ZNF845: variants seen among roughly 807,000 people sequenced by gnomAD.
The protein encoded by ZNF845 is zinc finger protein 845.
ZNF845 carries 59 observed loss-of-function variants against 76.1 expected under a neutral mutation model. The ratio of observed to expected loss-of-function variants is 0.78; its 90% CI spans 0.63 to 0.96. The LOEUF (loss-of-function observed/expected upper bound fraction) is 0.96, where lower values mean the gene tolerates loss of function less well. ZNF845 is among the 40% of genes least tolerant of loss of function. The pLI, the probability that ZNF845 is intolerant of heterozygous loss-of-function variation, is 0.00. For synonymous variants in ZNF845, 361 were observed against 386.9 expected, an observed-to-expected ratio of 0.93 and a Z score of 0.78; for missense variants, 1,045 against 1,172.8, an observed-to-expected ratio of 0.89 and a Z score of 1.59.
At chr19:53,342,131 A>G (rs376085756) in intron 2 of ZNF845, among the ~76,000 whole-genome samples, 2 of 151,010 alleles carry the variant, frequency 1.3e-5, no homozygotes, top group East Asian at 3.9e-4. Context: ...TTATATTTTA[A>G]ATATACAAAG....
chr19:53,335,864 A>G (rs2085209857), intron 1 of ZNF845, among the ~76,000 whole-genome samples: 1 of 151,700 alleles, frequency 6.6e-6, no homozygotes, highest in African/African-American at 2.4e-5. Flanking sequence ...GGCCCCCCAA[A>G]TGCTGGGATT....
chr19:53,345,753 T>G, intron 3 of ZNF845, 121 bp downstream of exon 3: 1 of 1,528,480 alleles, frequency 6.5e-7, no homozygotes, highest in South Asian at 1.3e-5. Flanking sequence ...TGTGATCATG[T>G]CTTACTGCAA....
At chr19:53,343,951 C>T (rs1287044413) in intron 2 of ZNF845, among the ~76,000 whole-genome samples, 2 of 151,870 alleles carry the variant, frequency 1.3e-5, no homozygotes, top group African/African-American at 4.8e-5. Context: ...TCCCAAGTAG[C>T]TGGAACCACA....
intron 1 of ZNF845, among the ~76,000 whole-genome samples, chr19:53,336,755 T>C (rs17239371): frequency 0.15 from 22,599 of 151,804 alleles, 1,615 homozygotes; most frequent in East Asian, 0.18. Context: ...CAGCTCACAT[T>C]GTTCAGTTAT....
intron 1 of ZNF845, among the ~76,000 whole-genome samples, chr19:53,339,231 G>A (rs1001271420): frequency 6.6e-6 from 1 of 152,172 alleles, no homozygotes; most frequent in Non-Finnish European, 1.5e-5. Context: ...CTTAGGAACT[G>A]GAGGAAGGAA....
intron 1 of ZNF845, among the ~76,000 whole-genome samples, chr19:53,339,540 T>C (rs2085241570): frequency 6.6e-6 from 1 of 152,192 alleles, no homozygotes; most frequent in South Asian, 2.1e-4. Flanking sequence ...GTTTGCACCA[T>C]CCCAAGACCC....
chr19:53,350,543 C>T (rs549622056), intron 3 of ZNF845, among the ~76,000 whole-genome samples: 4 of 152,272 alleles, frequency 2.6e-5, no homozygotes, highest in African/African-American at 9.6e-5. Context: ...TTTAGGGTCA[C>T]AGTGGAAAAA....
Position 53,351,263 on chromosome 19 carries a change from C to T in ZNF845, c.588C>T (p.Phe196=). ...THISKNYGNN[F]LNSSLLTQKQ... ...TTTCTAAGAACTATGGGAATAATTTCCTGAATTCTTCATTACTCACACAAA... is the reference window on the plus strand; with the variant it reads ...TTTCTAAGAACTATGGGAATAATTTTCTGAATTCTTCATTACTCACACAAA... The change falls in exon 4 of 4, where the codon TTC becomes TTT. Residue 196 remains phenylalanine (F), a synonymous_variant. Coordinates refer to ENST00000458035, the MANE Select transcript of ZNF845 (RefSeq NM_138374.3). The T allele has an allele frequency of 6.2e-7, 1 of 1,614,188 alleles. No individual in the cohort carries two copies. The highest frequency in any genetic ancestry group is 1.1e-5 in the South Asian group (1 of 91,086).
chr19:53,351,570 T>G lies in ZNF845; in HGVS notation c.895T>G (p.Tyr299Asp). 6.2e-7 allele frequency: 1 copy of G among 1,614,134 alleles called. No individual in the cohort carries two copies. The highest frequency in any genetic ancestry group is 1.1e-5 in the South Asian group (1 of 91,080). Residue 299 changes from tyrosine (Y) to aspartate (D), a missense_variant, in exon 4 of 4, where the codon TAC becomes GAC. Transcript: ENST00000458035. ...HHRLHTGEKH[Y>D]KCSECGKTFS... Reference sequence around the variant, plus strand: ...TAGACTTCATACTGGAGAGAAACATTACAAGTGCAGTGAGTGTGGCAAGAC... The same window carrying G: ...TAGACTTCATACTGGAGAGAAACATGACAAGTGCAGTGAGTGTGGCAAGAC...
intron 3 of ZNF845, among the ~76,000 whole-genome samples, chr19:53,346,576 G>A (rs941058782): frequency 1.2e-4 from 19 of 152,330 alleles, no homozygotes; most frequent in African/African-American, 4.3e-4. Flanking sequence ...AGTTACTCAG[G>A]AGGCTGACAC....
At chr19:53,346,028 A>G (rs986127834) in intron 3 of ZNF845, among the ~76,000 whole-genome samples, 1 of 151,972 alleles carries the variant, frequency 6.6e-6, no homozygotes, top group Admixed American at 6.6e-5. Context: ...TATTTTTTAA[A>G]TTGTAGCATA....
intron 3 of ZNF845, among the ~76,000 whole-genome samples, chr19:53,347,904 G>A (rs1190261174): frequency 6.6e-6 from 1 of 152,012 alleles, no homozygotes; most frequent in Non-Finnish European, 1.5e-5. Flanking sequence ...ACAAAAAATT[G>A]GCCAAGTGAC....
rs1180740391 is a variant in ZNF845 at position 53,355,830 on chromosome 19, T to C, written c.*2242T>C. On this transcript the variant is annotated 3_prime_UTR_variant, in exon 4 of 4. Transcript: ENST00000458035. ...GAGGTAAAACTCTACCTATATTGTT[T>C]AGGATTTTTACGAAGAATGAATATT... The C allele has an allele frequency of 6.6e-6, 1 of 152,188 alleles. No homozygotes were observed. The highest frequency in any genetic ancestry group is 1.5e-5 in the Non-Finnish European group (1 of 68,028). 9.4% of individuals were successfully genotyped at this position (152,188 alleles called of 1,614,324 possible).
intron 3 of ZNF845, among the ~76,000 whole-genome samples, chr19:53,348,006 G>C (rs1487636895): frequency 6.6e-6 from 1 of 152,152 alleles, no homozygotes; most frequent in Admixed American, 6.6e-5. Context: ...CCTGGCCAAC[G>C]CGGTGAAATC....
At chr19:53,350,434 A>G (rs192976206) in intron 3 of ZNF845, among the ~76,000 whole-genome samples, 1 of 152,276 alleles carries the variant, frequency 6.6e-6, no homozygotes, top group Non-Finnish European at 1.5e-5. Flanking sequence ...GTCTTTTAGC[A>G]TTTATTTGTA....
chr19:53,354,395 G>A lies in ZNF845; in HGVS notation c.*807G>A. On this transcript the variant is annotated 3_prime_UTR_variant, in exon 4 of 4. Coordinates refer to ENST00000458035, the MANE Select transcript of ZNF845 (RefSeq NM_138374.3). ...GTTTATGTTAAGAAGATTGGGCCAG[G>A]CGGGGTGGCTCACGCCTGTAATCCC... 3.4e-6 allele frequency: 1 copy of A among 293,390 alleles called. No individual in the cohort carries two copies. The highest frequency in any genetic ancestry group is 3.1e-5 in the South Asian group (1 of 32,548). The allele number at this position is 293,390 out of a possible 1,614,324, so 18.2% of individuals were successfully genotyped here.
At chr19:53,340,622 A>G (rs1054138820) in intron 1 of ZNF845, among the ~76,000 whole-genome samples, 7 of 152,196 alleles carry the variant, frequency 4.6e-5, no homozygotes, top group African/African-American at 1.7e-4. Flanking sequence ...GGATAATTAC[A>G]TTGTTTATAA....
chr19:53,351,514 T>G lies in ZNF845; in HGVS notation c.839T>G (p.Phe280Cys). 6.2e-7 allele frequency: 1 copy of G among 1,614,232 alleles called. No homozygotes were observed. Among genetic ancestry groups the G allele is most frequent in the Non-Finnish European group, 8.5e-7 (1 of 1,180,028 alleles). The change falls in exon 4 of 4, where the codon TTC (phenylalanine) becomes TGC (cysteine). Residue 280 changes from phenylalanine (F) to cysteine (C), a missense_variant. Coordinates refer to ENST00000458035, the MANE Select transcript of ZNF845 (RefSeq NM_138374.3). Reference protein sequence around the residue: ...PYKCNDCGKTFSQELTLTCHH... With the variant: ...PYKCNDCGKTCSQELTLTCHH... ...AAGTGTAATGATTGTGGCAAGACCT[T>G]CAGTCAGGAGTTAACCCTTACATGC...
chr19:53,336,166 T>C (rs1159125458), intron 1 of ZNF845, among the ~76,000 whole-genome samples: 2 of 140,872 alleles, frequency 1.4e-5, no homozygotes, highest in Admixed American at 7.2e-5. Context: ...GAGCCAAGAT[T>C]GCGCCACTGC....
Sources: gnomAD v4.1 joint callset for allele counts (sites outside exome capture counted in the v4.1 genomes callset) on GRCh38, gnomAD v4.1.1 for gene constraint, MANE v1.5 for transcripts, NCBI Gene and HGNC (gene_info 2026-07-23, HGNC 2026-07-21) for gene names.